Variants in PDXDC1 observed in about 807,000 individuals in gnomAD.
PDXDC1 encodes the protein pyridoxal dependent decarboxylase domain containing 1.
In PDXDC1, 42 loss-of-function variants were observed where a neutral mutation model predicts 100.1. That is an observed-to-expected ratio of 0.42 (90% CI 0.33 to 0.54). The LOEUF is 0.54. Among genes scored for constraint, PDXDC1 ranks in the 20% least tolerant of loss-of-function variants. The pLI, the probability that PDXDC1 is intolerant of heterozygous loss-of-function variation, is 0.10. For synonymous variants in PDXDC1, 260 were observed against 371.7 expected, an observed-to-expected ratio of 0.70 and a Z score of 3.46; for missense variants, 636 against 979.2, an observed-to-expected ratio of 0.65 and a Z score of 4.68.
chr16:15,044,493 C>T, intron 16 of PDXDC1: 5 of 872,218 alleles, frequency 5.7e-6, no homozygotes, highest in Non-Finnish European at 9.7e-6. Flanking sequence ...TTCTCAGTTT[C>T]CATGAACACT....
At chr16:15,135,910 C>T in intron 16 of PDXDC1, 1 of 1,585,456 alleles carries the variant, frequency 6.3e-7, no homozygotes, top group Non-Finnish European at 8.6e-7. Context: ...CCAGCCGCGG[C>T]AGCACCAGCT....
rs1018280032 is a variant in PDXDC1 at position 15,036,250 on chromosome 16, T to C, written c.2342T>C (p.Val781Ala). The C allele has an allele frequency of 8.7e-6, 14 of 1,613,984 alleles. No individual in the cohort carries two copies. The highest frequency in any genetic ancestry group is 1.2e-5 in the Non-Finnish European group (14 of 1,179,906). ...VPHPEDDHSQ[V>A]EGPESLR ...CACCCAGAAGATGACCACTCACAGG[T>C]AGAAGGACCGGAGAGCTTAAGATGA... The change falls in exon 23 of 23, where the codon GTA (valine) becomes GCA (alanine). Residue 781 changes from valine (V) to alanine (A), a missense_variant. By Grantham distance (64) the Val-to-Ala change is moderately conservative. Transcript: ENST00000396410.
At chr16:15,126,909 C>G (rs1256515638) in intron 16 of PDXDC1, 1 of 225,186 alleles carries the variant, frequency 4.4e-6, no homozygotes. Context: ...CTGCCCGCCT[C>G]GGCCTCCCAA....
chr16:15,062,652 G>A (rs1266837768), intron 16 of PDXDC1, among the ~76,000 whole-genome samples: 2 of 152,202 alleles, frequency 1.3e-5, no homozygotes, highest in Non-Finnish European at 2.9e-5. Context: ...ATTTCAACAT[G>A]AGTCAACTGG....
chr16:14,988,689 T>C lies in PDXDC1; in HGVS notation c.22-9064T>C, dbSNP rs1346410896. ...ATCCGCCAGCACGGCCAGGTTGATA[T>C]GGTCGTTCTTGTAGCGGATGCCATG... On this transcript the variant is annotated intron_variant, in intron 1 of 22. Coordinates refer to ENST00000396410, the MANE Select transcript of PDXDC1 (RefSeq NM_015027.4). 19 of 1,613,612 alleles carry C rather than the reference T, an allele frequency of 1.2e-5. No homozygotes were observed. The East Asian group carries it at 2.0e-4, about 17-fold the overall frequency.
intron 16 of PDXDC1, 32 bp from the exon 17 acceptor site, chr16:15,031,703 G>A (rs1261934052): frequency 1.3e-6 from 2 of 1,588,768 alleles, no homozygotes; most frequent in Non-Finnish European, 1.7e-6. Flanking sequence ...GCCATCTCGT[G>A]AGCATTTCTC....
intron 16 of PDXDC1, chr16:15,125,109 T>C (rs1457908029): frequency 2.3e-6 from 1 of 427,298 alleles, no homozygotes; most frequent in Non-Finnish European, 4.2e-6. Context: ...ATCGTACCAT[T>C]GCACTCCAGC....
At chr16:15,023,157 T>C (rs1424657124) in intron 13 of PDXDC1, among the ~76,000 whole-genome samples, 1 of 152,290 alleles carries the variant, frequency 6.6e-6, no homozygotes. Flanking sequence ...CCTTCTGCCA[T>C]CAGTTTTCAT....
chr16:15,131,672 C>T (rs1289834526), intron 16 of PDXDC1: 12 of 1,571,472 alleles, frequency 7.6e-6, no homozygotes, highest in Non-Finnish European at 1.0e-5. Flanking sequence ...CGCTGTGGTG[C>T]CCGCACGTCT....
intron 1 of PDXDC1, chr16:14,989,663 G>T: frequency 6.4e-7 from 1 of 1,561,376 alleles, no homozygotes; most frequent in Non-Finnish European, 8.6e-7. Context: ...CGGGGCCGGC[G>T]GCCACGGGGC....
downstream of PDXDC1, chr16:15,041,254 T>A (rs556410757): frequency 2.9e-6 from 2 of 692,720 alleles, no homozygotes; most frequent in Admixed American, 4.4e-5. Flanking sequence ...TGAAAGGGAT[T>A]GTGGCCCTGT....
rs777270337 is a variant in PDXDC1, at chr16:15,031,774, C to G, written c.1439C>G (p.Ala480Gly). 6.8e-6 allele frequency: 11 copies of G among 1,613,604 alleles called. No individual in the cohort carries two copies. The highest frequency in any genetic ancestry group is 8.5e-6 in the Non-Finnish European group (10 of 1,179,822). The change falls in exon 17 of 23, where the codon GCC becomes GGC. Residue 480 changes from alanine (A) to glycine (G), a missense_variant. Physicochemically the swap from Ala to Gly is moderately conservative, Grantham distance 60 (BLOSUM62 0). Around this residue, in one of 4 missense-constraint regions of PDXDC1, gnomAD observed 452 missense variants for 402.9 expected, o/e 1.12. Coordinates refer to ENST00000396410, the MANE Select transcript of PDXDC1 (RefSeq NM_015027.4). ...GGAGAGGATGTGGATCAGCTCGTAG[C>G]CTGCATAGAAAGCAAACTGCCAGTG... Reference protein sequence around the residue: ...TRGEDVDQLVACIESKLPVLC... With the variant: ...TRGEDVDQLVGCIESKLPVLC...
At chr16:14,996,301 A>T in intron 1 of PDXDC1, 1 of 424,588 alleles carries the variant, frequency 2.4e-6, no homozygotes, top group Non-Finnish European at 4.6e-6. Context: ...ATTGTATGCC[A>T]TGCTGTAACA....
At position 15,037,296 on chromosome 16, in the gene PDXDC1, G is replaced by A. The variant is rs797001389; in HGVS notation, c.*1021G>A. The A allele has an allele frequency of 2.6e-5, 4 of 152,314 alleles. No individual in the cohort carries two copies. The highest frequency in any genetic ancestry group is 1.3e-4 in the Admixed American group (2 of 15,300). 9.4% of individuals were successfully genotyped at this position (152,314 alleles called of 1,614,324 possible). On this transcript the variant is annotated 3_prime_UTR_variant, in exon 23 of 23. Transcript: ENST00000396410. The stretch of plus-strand genomic sequence containing the variant: ...TTCCGAAGTACTGCGTCACTTTGTC[G>A]TAAGTAATGGCCCCTGTGCCTTCTT...
intron 16 of PDXDC1, among the ~76,000 whole-genome samples, chr16:15,092,332 G>C (rs1259274666): frequency 1.3e-5 from 2 of 151,888 alleles, no homozygotes; most frequent in African/African-American, 4.8e-5. Flanking sequence ...GCCAAGGTGG[G>C]GGAAAAAAAG....
chr16:15,135,748 C>G, intron 16 of PDXDC1: 11 of 1,596,700 alleles, frequency 6.9e-6, no homozygotes, highest in Middle Eastern at 2.3e-4. Context: ...GCACCAGGTC[C>G]TGTGTGTCTG....
chr16:15,051,834 G>C (rs1172520908), intron 16 of PDXDC1, among the ~76,000 whole-genome samples: 1 of 151,602 alleles, frequency 6.6e-6, no homozygotes, highest in Non-Finnish European at 1.5e-5. Flanking sequence ...CTTTGCAGTA[G>C]CTGGAACCAC....
chr16:15,143,885 C>G (rs942155821), downstream of PDXDC1, among the ~76,000 whole-genome samples: 1 of 152,224 alleles, frequency 6.6e-6, no homozygotes, highest in African/African-American at 2.4e-5. Context: ...AAAGAAACAT[C>G]TGCACATTCC....
intron 16 of PDXDC1, chr16:15,130,575 C>T (rs868715301): frequency 1.4e-5 from 19 of 1,368,740 alleles, no homozygotes; most frequent in Admixed American, 3.4e-5. Flanking sequence ...GCCTGTAACC[C>T]GGGCAATGCT....
Sources: allele counts gnomAD v4.1 joint callset (sites outside exome capture counted in the v4.1 genomes callset), GRCh38; gene constraint gnomAD v4.1.1; regional missense constraint gnomAD v4.1.1; transcripts MANE v1.5; gene names NCBI Gene and HGNC (gene_info 2026-07-23, HGNC 2026-07-21).